PTPRS: variants seen among roughly 807,000 people sequenced by gnomAD.
The protein encoded by PTPRS is receptor-type tyrosine-protein phosphatase S.
Under a neutral mutation model 215.3 loss-of-function variants are expected in PTPRS, and 63 were observed. That is an observed-to-expected ratio of 0.29 (90% CI 0.24 to 0.36). The LOEUF is 0.36. PTPRS is among the 10% of genes least tolerant of loss of function. The pLI is 1.00. For synonymous variants in PTPRS, 1,404 were observed against 1,191.4 expected (o/e 1.18, Z -3.68); for missense variants, 2,258 against 2,825.8 (o/e 0.80, Z 4.56).
At chr19:5,238,230 C>T (rs1344442269) in intron 13 of PTPRS, among the ~76,000 whole-genome samples, 3 of 152,032 alleles carry the variant, frequency 2.0e-5, no homozygotes, top group African/African-American at 7.2e-5. Flanking sequence ...GAGAGGGTGG[C>T]GGTGACCCAC....
chr19:5,247,194 T>TTAATAATAA (rs112152247), intron 9 of PTPRS, among the ~76,000 whole-genome samples: 34 of 147,736 alleles, frequency 2.3e-4, no homozygotes, highest in South Asian at 1.1e-3. Context: ...AAATAGTATA[T>TTAATAATAA]TAATAATAAT....
chr19:5,278,598 C>T (rs993818759), intron 2 of PTPRS, among the ~76,000 whole-genome samples: 3 of 152,080 alleles, frequency 2.0e-5, no homozygotes, highest in African/African-American at 4.8e-5. Context: ...CTGCCTCAGC[C>T]GCCCAAGTAG....
intron 23 of PTPRS, 51 bp from the exon 24 acceptor site, chr19:5,218,849 T>G (rs758483604): frequency 5.8e-6 from 9 of 1,551,356 alleles, no homozygotes; most frequent in Non-Finnish European, 7.9e-6. Flanking sequence ...AGAAGAAAGG[T>G]GAGGGTGTGC....
At chr19:5,231,758 G>A (rs981168841) in intron 13 of PTPRS, 143 bp from the exon 14 acceptor site, 2 of 260,014 alleles carry the variant, frequency 7.7e-6, no homozygotes, top group Non-Finnish European at 1.5e-5. Context: ...AAGAGAAGTC[G>A]AACCCAAAAG....
intron 17 of PTPRS, among the ~76,000 whole-genome samples, chr19:5,225,156 G>T (rs185989106): frequency 2.0e-5 from 3 of 152,270 alleles, no homozygotes; most frequent in Admixed American, 2.0e-4. Flanking sequence ...AGGGACAATG[G>T]AGGGGCTAGA....
At chr19:5,277,674 G>A (rs2047505471) in intron 2 of PTPRS, 6 of 486,250 alleles carry the variant, frequency 1.2e-5, no homozygotes, top group Non-Finnish European at 2.3e-5. Context: ...AAAAAAGGAG[G>A]AAAAGCCTCC....
At chr19:5,211,388 T>C (rs2040865171) in intron 33 of PTPRS, among the ~76,000 whole-genome samples, 1 of 152,212 alleles carries the variant, frequency 6.6e-6, no homozygotes, top group Non-Finnish European at 1.5e-5. Flanking sequence ...AATCACATTA[T>C]GGACAGCAGC....
At position 5,288,427 on chromosome 19, in the gene PTPRS, G is replaced by C. The variant is rs537091245; in HGVS notation, c.-94-2193C>G. Among the ~76,000 whole-genome samples the C allele has an allele frequency of 2.6e-5, 4 of 152,350 alleles. No individual in the cohort carries two copies. In the South Asian group the frequency reaches 8.3e-4, roughly 32 times the overall value. ...CACACAACCAGTTGGGGACTGGGAA[G>C]ATGAAGGAAATAAAGCCTAGAGCAC... On this transcript the variant is annotated intron_variant, in intron 1 of 37. Transcript: ENST00000262963.
chr19:5,258,021 C>G lies in PTPRS; in HGVS notation c.702G>C (p.Val234=), dbSNP rs1409973150. The change falls in exon 8 of 38, where the codon GTG becomes GTC. Residue 234 remains valine (V), a synonymous_variant. Transcript: ENST00000262963. ...VRYSSPANLY[V]RELREVRRVA... ...CCTGGACGCGGCGTTCCCTACCTCGCACGTAGAGGTTGGCAGGTGAGGAGT... is the reference window on the plus strand; with the variant it reads ...CCTGGACGCGGCGTTCCCTACCTCGGACGTAGAGGTTGGCAGGTGAGGAGT... The G allele has an allele frequency of 6.2e-7, 1 of 1,613,108 alleles. No homozygotes were observed. Among genetic ancestry groups the G allele is most frequent in the African/African-American group, 1.3e-5 (1 of 74,906 alleles).
At chr19:5,307,445 A>T (rs1275876815) in intron 1 of PTPRS, among the ~76,000 whole-genome samples, 1 of 152,182 alleles carries the variant, frequency 6.6e-6, no homozygotes, top group Non-Finnish European at 1.5e-5. Context: ...TCAGTATCAC[A>T]GCTGTGAAAA....
At chr19:5,270,923 G>A (rs1286171338) in intron 4 of PTPRS, among the ~76,000 whole-genome samples, 1 of 152,190 alleles carries the variant, frequency 6.6e-6, no homozygotes, top group African/African-American at 2.4e-5. Context: ...GGGATTACAG[G>A]CCAAAGCACA....
Position 5,295,207 on chromosome 19 carries a change from C to T in PTPRS, c.-94-8973G>A, listed in dbSNP as rs796902452. Among the ~76,000 whole-genome samples the T allele has an allele frequency of 3.7e-4, 56 of 152,356 alleles. No individual in the cohort carries two copies. Among genetic ancestry groups the T allele is most frequent in the African/African-American group, 1.3e-3 (53 of 41,590 alleles). ...CCCCATCTGCCACATAAGCCAAGCA[C>T]TGAACAGGTGCTCAATGAATCCACA... On this transcript the variant is annotated intron_variant, in intron 1 of 37. Coordinates refer to ENST00000262963, the MANE Select transcript of PTPRS (RefSeq NM_002850.4). This position sits in a 1 kb window ranked among gnomAD's most constrained non-coding sequence, Gnocchi z 4.6.
intron 1 of PTPRS, among the ~76,000 whole-genome samples, chr19:5,317,754 A>G (rs774637540): frequency 3.3e-5 from 5 of 152,048 alleles, no homozygotes; most frequent in Non-Finnish European, 2.9e-5. Flanking sequence ...AGAAATTAGT[A>G]AGGGGCCAGG....
At chr19:5,250,645 G>A (rs1161030105) in intron 9 of PTPRS, among the ~76,000 whole-genome samples, 4 of 149,114 alleles carry the variant, frequency 2.7e-5, no homozygotes, top group African/African-American at 9.9e-5. Flanking sequence ...CGAGGGGGTC[G>A]GGAGGGTGGG....
At chr19:5,297,794 T>TTC (rs1263080658) in intron 1 of PTPRS, among the ~76,000 whole-genome samples, 4 of 123,876 alleles carry the variant, frequency 3.2e-5, no homozygotes, top group African/African-American at 1.0e-4. Context: ...TTCTTTTCTT[T>TTC]TTTTTTTTTT....
intron 2 of PTPRS, among the ~76,000 whole-genome samples, chr19:5,285,199 G>A (rs1231442605): frequency 2.6e-5 from 4 of 152,144 alleles, no homozygotes; most frequent in Admixed American, 1.3e-4. Context: ...CCACTAGCCC[G>A]GGGTTGTGCA....
In PTPRS at chr19:5,205,976, AAG is replaced by A. The variant is rs915662390; in HGVS notation, c.*796_*797del. Among the ~76,000 whole-genome samples, 6 of 150,208 alleles carry A rather than the reference AAG, an allele frequency of 4.0e-5. No individual in the cohort carries two copies. Among genetic ancestry groups the A allele is most frequent in the African/African-American group, 1.2e-4 (5 of 40,888 alleles). ...ATTTAATTTATAAAAATGAAACAAA[AAG>A]GGGGAAAAAAAAAGCCAAGAAAGAA... is the stretch of plus-strand genomic sequence containing the variant. On this transcript the variant is annotated 3_prime_UTR_variant, in exon 38 of 38. Coordinates refer to ENST00000262963, the MANE Select transcript of PTPRS (RefSeq NM_002850.4).
At position 5,238,985 on chromosome 19, in the gene PTPRS, C is replaced by T. The variant is rs368576915; in HGVS notation, c.1783G>A (p.Ala595Thr). ...CCCAGGCCCTGCGGCGAGCGGGCCG[C>T]CAGGCGGAAGGCGTACTCCGTGTTG... ...KPNTEYAFRL[A>T]ARSPQGLGAF... The change falls in exon 13 of 38, where the codon GCG becomes ACG. Residue 595 changes from alanine to threonine, a missense_variant. By Grantham distance (58) the Ala-to-Thr change is moderately conservative. Transcript: ENST00000262963. 2.3e-5 allele frequency: 37 copies of T among 1,613,004 alleles called. No homozygotes were observed. Among genetic ancestry groups the T allele is most frequent in the Non-Finnish European group, 3.1e-5 (37 of 1,179,754 alleles).
Position 5,277,613 on chromosome 19 carries a change from G to A in PTPRS, c.92-3269C>T, listed in dbSNP as rs990502867. 3.7e-5 allele frequency: 13 copies of A among 348,222 alleles called. 1 individual carries two copies. The highest frequency in any genetic ancestry group is 1.3e-4 in the South Asian group (5 of 37,820). 21.6% of individuals were successfully genotyped at this position (348,222 alleles called of 1,614,324 possible). ...GAAGCTTGCAGTGAGCCGAGATCGC[G>A]CCACCGCACTCCAGCCTGGGCGACA... On this transcript the variant is annotated intron_variant, in intron 2 of 37. Coordinates refer to ENST00000262963, the MANE Select transcript of PTPRS (RefSeq NM_002850.4).
Sources: gnomAD v4.1 joint callset for allele counts (sites outside exome capture counted in the v4.1 genomes callset) on GRCh38, gnomAD v4.1.1 for gene constraint, Gnocchi (gnomAD v3.1) non-coding constraint, MANE v1.5 for transcripts, NCBI Gene and HGNC (gene_info 2026-07-23, HGNC 2026-07-21) for gene names.